The following TTLL11 variants were observed in gnomAD, a reference collection of about 807,000 sequenced individuals.
The protein encoded by TTLL11 is tubulin polyglutamylase TTLL11.
A neutral mutation model predicts 51.7 loss-of-function variants in TTLL11; 42 were observed. That is an observed-to-expected ratio of 0.81 (90% confidence interval 0.64 to 1.05). The LOEUF is 1.05. Ranked by LOEUF, TTLL11 falls within the 50% of genes least tolerant of loss-of-function variation. The probability of loss-of-function intolerance (pLI) is 0.00; values close to 1 mark genes in which losing one functional copy is unlikely to be tolerated. For missense variants in TTLL11, 799 were observed against 940.4 expected (o/e 0.85, Z 1.97); for synonymous variants, 381 against 383.5 (o/e 0.99, Z 0.08).
intron 6 of TTLL11, among the ~76,000 whole-genome samples, chr9:121,902,819 C>T (rs1001316939): frequency 1.3e-5 from 2 of 152,126 alleles, no homozygotes; most frequent in African/African-American, 4.8e-5. Flanking sequence ...TCTCTGTGGA[C>T]TTCTAGTTCG....
intron 8 of TTLL11, among the ~76,000 whole-genome samples, chr9:121,852,730 G>A (rs1223950292): frequency 6.6e-6 from 1 of 152,222 alleles, no homozygotes; most frequent in African/African-American, 2.4e-5. Context: ...CAGGGTCTGG[G>A]TGAGCGAGGG....
chr9:122,058,131 C>G (rs1289649285), intron 1 of TTLL11, among the ~76,000 whole-genome samples: 1 of 152,190 alleles, frequency 6.6e-6, no homozygotes, highest in African/African-American at 2.4e-5. Context: ...AGTCTAGAAG[C>G]CAGGAAAGTG....
chr9:122,083,452 A>G (rs1294414750), intron 1 of TTLL11, among the ~76,000 whole-genome samples: 1 of 152,186 alleles, frequency 6.6e-6, no homozygotes, highest in Non-Finnish European at 1.5e-5. Flanking sequence ...TGGTTGTATT[A>G]AGCCACTGCT....
intron 6 of TTLL11, among the ~76,000 whole-genome samples, chr9:121,915,059 C>T (rs1840274492): frequency 6.6e-6 from 1 of 152,176 alleles, no homozygotes; most frequent in Non-Finnish European, 1.5e-5. Context: ...GTTGCTCTTT[C>T]TGTGACGGAA....
In TTLL11 at chr9:121,964,111, T is replaced by C. The variant is rs73551464; in HGVS notation, c.1481+9898A>G. 7.4e-3 allele frequency among the ~76,000 whole-genome samples: 1,119 copies of C among 150,272 alleles called. 11 individuals carry two copies. The highest frequency in any genetic ancestry group is 0.024 in the Middle Eastern group (7 of 294). On this transcript the variant is annotated intron_variant, in intron 6 of 8. Coordinates refer to ENST00000321582, the MANE Select transcript of TTLL11 (RefSeq NM_001139442.2). ...CTTTCAAGACTTCATGCATTCCAGA[T>C]AGAAAAACAACTCCATAACAAACCT...
intron 6 of TTLL11, among the ~76,000 whole-genome samples, chr9:121,928,728 C>T (rs1175954314): frequency 6.6e-6 from 1 of 151,894 alleles, no homozygotes; most frequent in Non-Finnish European, 1.5e-5. Flanking sequence ...CTTGAGCCAC[C>T]GCACCCGGCC....
At chr9:121,823,336 A>G (rs1836643229) in intron 8 of TTLL11, among the ~76,000 whole-genome samples, 1 of 152,232 alleles carries the variant, frequency 6.6e-6, no homozygotes, top group Admixed American at 6.5e-5. Flanking sequence ...ACTTGAGGTC[A>G]GTAGTTCGAG....
intron 6 of TTLL11, among the ~76,000 whole-genome samples, chr9:121,896,475 G>A (rs972013214): frequency 2.0e-5 from 3 of 152,110 alleles, no homozygotes; most frequent in African/African-American, 7.2e-5. Flanking sequence ...CAACCTCTTC[G>A]GTGTCACTTT....
At chr9:122,059,352 T>A (rs1367461563) in intron 1 of TTLL11, among the ~76,000 whole-genome samples, 2 of 152,198 alleles carry the variant, frequency 1.3e-5, no homozygotes, top group Non-Finnish European at 2.9e-5. Context: ...TTTCAATGTA[T>A]GAAGTTACTT....
chr9:121,964,791 T>A (rs1842353396), intron 6 of TTLL11, among the ~76,000 whole-genome samples: 1 of 152,104 alleles, frequency 6.6e-6, no homozygotes, highest in African/African-American at 2.4e-5. Flanking sequence ...ATATTTCAAA[T>A]CCTACTCACG....
chr9:121,895,172 C>G (rs991011215), intron 6 of TTLL11, among the ~76,000 whole-genome samples: 2 of 152,190 alleles, frequency 1.3e-5, no homozygotes, highest in Non-Finnish European at 2.9e-5. Context: ...ACAGAGTTTT[C>G]AGAATCCTTC....
At chr9:121,921,380 G>T (rs1053077776) in intron 6 of TTLL11, among the ~76,000 whole-genome samples, 1 of 152,152 alleles carries the variant, frequency 6.6e-6, no homozygotes, top group African/African-American at 2.4e-5. Flanking sequence ...GTGGAGGCAG[G>T]GGGGTGAACA....
chr9:121,881,119 T>C (rs769060271), intron 6 of TTLL11, among the ~76,000 whole-genome samples: 1 of 152,258 alleles, frequency 6.6e-6, no homozygotes, highest in Non-Finnish European at 1.5e-5. Context: ...GCCTCTGTTT[T>C]ACCACCTCCA....
intron 6 of TTLL11, among the ~76,000 whole-genome samples, chr9:121,887,416 A>T (rs374943197): frequency 3.3e-5 from 5 of 152,338 alleles, no homozygotes; most frequent in African/African-American, 1.2e-4. Context: ...GGCTTCATGC[A>T]TATGGATGGC....
chr9:121,989,594 A>G lies in TTLL11; in HGVS notation c.870T>C (p.Leu290=). 6.2e-7 allele frequency: 1 copy of G among 1,614,072 alleles called. No individual in the cohort carries two copies. Among genetic ancestry groups the G allele is most frequent in the Non-Finnish European group, 8.5e-7 (1 of 1,180,026 alleles). ...GAATATCAAACTTGAGCTTGTCGATAAGGAGAGGTTTGCAGATGTACTCCT... is the reference window on the plus strand; with the variant it reads ...GAATATCAAACTTGAGCTTGTCGATGAGGAGAGGTTTGCAGATGTACTCCT... The part of the protein sequence containing the change: ...VVQEYICKPL[L]IDKLKFDIRL... The change falls in exon 4 of 9, where the codon CTT becomes CTC. Residue 290 remains leucine, a synonymous_variant. Transcript: ENST00000321582. This position sits in a 1 kb window ranked among gnomAD's most constrained non-coding sequence, Gnocchi z 4.2.
intron 4 of TTLL11, among the ~76,000 whole-genome samples, chr9:121,982,188 T>G (rs1842842715): frequency 6.6e-6 from 1 of 152,210 alleles, no homozygotes. Flanking sequence ...TGCCCCCAGA[T>G]GAAAAGCTGA....
chr9:121,893,537 C>A (rs1839339440), intron 6 of TTLL11, among the ~76,000 whole-genome samples: 1 of 152,224 alleles, frequency 6.6e-6, no homozygotes, highest in South Asian at 2.1e-4. Flanking sequence ...CACAGCAGGT[C>A]TATGGCGGGA....
At chr9:121,972,071 G>A (rs1842594071) in intron 6 of TTLL11, among the ~76,000 whole-genome samples, 1 of 150,922 alleles carries the variant, frequency 6.6e-6, no homozygotes, top group Non-Finnish European at 1.5e-5. Context: ...CATGGCACGT[G>A]TATACCTATG....
chr9:121,940,296 T>C (rs1379200342), intron 6 of TTLL11, among the ~76,000 whole-genome samples: 1 of 151,708 alleles, frequency 6.6e-6, no homozygotes, highest in African/African-American at 2.4e-5. Flanking sequence ...AAACTCTCTC[T>C]CTCCCTCCCT....
Sources: gnomAD v4.1 joint callset for allele counts (sites outside exome capture counted in the v4.1 genomes callset) on GRCh38, gnomAD v4.1.1 for gene constraint, Gnocchi (gnomAD v3.1) non-coding constraint, MANE v1.5 for transcripts, NCBI Gene and HGNC (gene_info 2026-07-23, HGNC 2026-07-21) for gene names.